Variants in GPC5 observed in about 807,000 individuals in gnomAD.
GPC5 encodes the protein glypican-5.
Under a neutral mutation model 53.9 loss-of-function variants are expected in GPC5, and 47 were observed. The ratio of observed to expected loss-of-function variants is 0.87; its 90% CI spans 0.69 to 1.11. The LOEUF (loss-of-function observed/expected upper bound fraction) is 1.11, where lower values mean the gene tolerates loss of function less well. Among genes scored for constraint, GPC5 ranks in the 50% most tolerant of loss-of-function variants. The pLI, the probability that GPC5 is intolerant of heterozygous loss-of-function variation, is 0.00. For synonymous variants in GPC5, 286 were observed against 263.3 expected (o/e 1.09, Z -0.84); for missense variants, 748 against 713.1 (o/e 1.05, Z -0.56).
intron 2 of GPC5, among the ~76,000 whole-genome samples, chr13:91,493,506 T>C (rs1884052198): frequency 6.6e-6 from 1 of 152,164 alleles, no homozygotes; most frequent in Non-Finnish European, 1.5e-5. Context: ...CCCACAACCC[T>C]TCCCAGCCTC....
chr13:92,412,179 T>A (rs1876074899), intron 7 of GPC5, among the ~76,000 whole-genome samples: 1 of 152,202 alleles, frequency 6.6e-6, no homozygotes, highest in South Asian at 2.1e-4. Flanking sequence ...TAAAAATGCT[T>A]GTAGTGCTAG....
intron 2 of GPC5, among the ~76,000 whole-genome samples, chr13:91,672,648 G>A (rs2035277396): frequency 6.6e-6 from 1 of 152,240 alleles, no homozygotes; most frequent in African/African-American, 2.4e-5. Context: ...ATGTAAATTA[G>A]TTCAACCATG....
Position 92,628,264 on chromosome 13 carries a change from C to CTTT in GPC5, c.1562-237991_1562-237989dup, listed in dbSNP as rs71123419. Among the ~76,000 whole-genome samples the CTTT allele has an allele frequency of 9.0e-3, 406 of 45,278 alleles. 3 individuals carry two copies. Among genetic ancestry groups the CTTT allele is most frequent in the East Asian group, 0.013 (20 of 1,514 alleles). The allele number at this position is 45,278 out of a possible 152,430, so 29.7% of individuals were successfully genotyped here. A position where few individuals can be genotyped will look rare whatever the true frequency, so the allele number is the denominator to read the frequency against. ...TTTTCTTTTCTTTTTCTTTTTCTTT[C>CTTT]TTTTTTTTTTTTTTTTTTTTTTTTT... is the stretch of plus-strand genomic sequence containing the variant. On this transcript the variant is annotated intron_variant, in intron 7 of 7. Transcript: ENST00000377067.
intron 2 of GPC5, among the ~76,000 whole-genome samples, chr13:91,602,482 T>G (rs958026211): frequency 6.6e-6 from 1 of 152,332 alleles, no homozygotes; most frequent in East Asian, 1.9e-4. Context: ...AGATATTTAT[T>G]TATATTGTAA....
intron 7 of GPC5, among the ~76,000 whole-genome samples, chr13:92,777,145 GC>G (rs1281935929): frequency 1.3e-5 from 2 of 149,858 alleles, no homozygotes; most frequent in Non-Finnish European, 3.0e-5. Flanking sequence ...GACCAGCCTG[GC>G]CAATATGGTG....
intron 7 of GPC5, among the ~76,000 whole-genome samples, chr13:92,605,911 A>G (rs1350535617): frequency 6.6e-6 from 1 of 152,138 alleles, no homozygotes; most frequent in Non-Finnish European, 1.5e-5. Context: ...TAGAAACTCA[A>G]GTAAATGCTA....
chr13:91,439,646 A>G (rs1880271092), intron 1 of GPC5, among the ~76,000 whole-genome samples: 1 of 151,940 alleles, frequency 6.6e-6, no homozygotes. Flanking sequence ...TCTTGATGGT[A>G]CTCATAATTT....
chr13:91,473,427 T>G (rs1443897741), intron 2 of GPC5, among the ~76,000 whole-genome samples: 1 of 152,162 alleles, frequency 6.6e-6, no homozygotes, highest in East Asian at 1.9e-4. Flanking sequence ...AGGAGAAATA[T>G]AACATGGTTG....
intron 2 of GPC5, among the ~76,000 whole-genome samples, chr13:91,659,746 C>G (rs1279152506): frequency 6.6e-6 from 1 of 152,060 alleles, no homozygotes; most frequent in Non-Finnish European, 1.5e-5. Context: ...ACCACCTGTC[C>G]CCCACCGCCT....
intron 2 of GPC5, among the ~76,000 whole-genome samples, chr13:91,621,247 AG>A (rs1391767585): frequency 1.3e-5 from 2 of 152,128 alleles, no homozygotes; most frequent in Non-Finnish European, 2.9e-5. Flanking sequence ...AAAAAAGAGA[AG>A]TCACCGACTA....
chr13:91,920,514 T>C (rs2039700628), intron 6 of GPC5, among the ~76,000 whole-genome samples: 1 of 152,046 alleles, frequency 6.6e-6, no homozygotes, highest in South Asian at 2.1e-4. Context: ...AAATGAAGAG[T>C]CATGACTCCC....
chr13:91,954,807 T>C (rs1490395754), intron 6 of GPC5, among the ~76,000 whole-genome samples: 1 of 152,082 alleles, frequency 6.6e-6, no homozygotes, highest in East Asian at 1.9e-4. Flanking sequence ...AAAATCACTC[T>C]TACTGACAAA....
intron 7 of GPC5, among the ~76,000 whole-genome samples, chr13:92,540,661 G>A (rs1312745925): frequency 6.6e-6 from 1 of 151,838 alleles, no homozygotes; most frequent in Non-Finnish European, 1.5e-5. Context: ...GAGGAGGAAG[G>A]TTTTGTGGAA....
At chr13:91,424,692 A>G (rs1182504106) in intron 1 of GPC5, among the ~76,000 whole-genome samples, 1 of 152,134 alleles carries the variant, frequency 6.6e-6, no homozygotes, top group Non-Finnish European at 1.5e-5. Flanking sequence ...TAAAGACACT[A>G]AGAATGTGGT....
intron 7 of GPC5, among the ~76,000 whole-genome samples, chr13:92,784,077 T>C (rs1269820545): frequency 6.6e-6 from 1 of 152,112 alleles, no homozygotes; most frequent in Non-Finnish European, 1.5e-5. Flanking sequence ...AGCAAAGTAA[T>C]GGACAAGAGA....
At chr13:91,674,434 C>CAT (rs569369825) in intron 2 of GPC5, among the ~76,000 whole-genome samples, 47 of 149,112 alleles carry the variant, frequency 3.2e-4, no homozygotes, top group African/African-American at 4.9e-4. Flanking sequence ...TATATATACA[C>CAT]ATATATATAT....
intron 7 of GPC5, among the ~76,000 whole-genome samples, chr13:92,478,044 CT>C (rs1415828713): frequency 1.3e-5 from 2 of 152,090 alleles, no homozygotes; most frequent in Non-Finnish European, 1.5e-5. Flanking sequence ...AATTTATCTC[CT>C]TATTGCCCTG....
At chr13:91,571,947 A>ACACATACGTGTATG (rs2031872173) in intron 2 of GPC5, among the ~76,000 whole-genome samples, 1 of 139,078 alleles carries the variant, frequency 7.2e-6, no homozygotes, top group Admixed American at 7.0e-5. Context: ...ATGTATATAC[A>ACACATACGTGTATG]TATACACACA....
At chr13:92,195,261 G>A (rs1411688160) in intron 7 of GPC5, among the ~76,000 whole-genome samples, 3 of 152,126 alleles carry the variant, frequency 2.0e-5, no homozygotes, top group Non-Finnish European at 4.4e-5. Context: ...ATACATATGT[G>A]CAGTGCCTAA....
Sources: allele counts gnomAD v4.1 joint callset (sites outside exome capture counted in the v4.1 genomes callset), GRCh38; gene constraint gnomAD v4.1.1; transcripts MANE v1.5; gene names NCBI Gene and HGNC (gene_info 2026-07-23, HGNC 2026-07-21).